Variants in NCOA3 observed in about 807,000 individuals in gnomAD.
NCOA3 encodes CBP-interacting protein.
In NCOA3, 51 loss-of-function variants were observed where a neutral mutation model predicts 158.8. The observed-to-expected ratio is 0.32, with a 90% CI of 0.26 to 0.41. NCOA3 has a LOEUF of 0.41. Ranked by LOEUF, NCOA3 falls within the 10% of genes least tolerant of loss-of-function variation. The pLI, the probability that NCOA3 is intolerant of heterozygous loss-of-function variation, is 1.00. For synonymous variants in NCOA3, 537 were observed against 592.4 expected (o/e 0.91, Z 1.36); for missense variants, 1,510 against 1,746.6 (o/e 0.86, Z 2.41).
intron 2 of NCOA3, among the ~76,000 whole-genome samples, chr20:47,584,043 C>A (rs1036528728): frequency 6.2e-4 from 94 of 152,264 alleles, no homozygotes; most frequent in African/African-American, 2.2e-3. Flanking sequence ...AACTATGATC[C>A]TAGCACTTTG....
chr20:47,625,574 T>A, intron 5 of NCOA3, 93 bp downstream of exon 5: 2 of 883,568 alleles, frequency 2.3e-6, no homozygotes, highest in South Asian at 3.0e-5. Flanking sequence ...GGTTAGGAAA[T>A]GAGAACAAAA....
intron 1 of NCOA3, among the ~76,000 whole-genome samples, chr20:47,539,321 G>T (rs2146124696): frequency 6.6e-6 from 1 of 152,276 alleles, no homozygotes; most frequent in Non-Finnish European, 1.5e-5. Context: ...TGTAGCCTGG[G>T]TGACAACGAT....
rs71183270 is a variant in NCOA3, at chr20:47,641,490, C to CTTTTTTTTTTTT, written c.3081-706_3081-695dup. Among the ~76,000 whole-genome samples, 123 of 48,366 alleles carry CTTTTTTTTTTTT rather than the reference C, an allele frequency of 2.5e-3. 17 individuals are homozygous for CTTTTTTTTTTTT. Among genetic ancestry groups the CTTTTTTTTTTTT allele is most frequent in the African/African-American group, 5.7e-3 (48 of 8,404 alleles). The allele number at this position is 48,366 out of a possible 152,430, so 31.7% of individuals were successfully genotyped here. ...GTCAGCCACCACGCCTGGCTCCCTT[C>CTTTTTTTTTTTT]TTTTTTTTTTTTTTTTTTTTTTTTT... On this transcript the variant is annotated intron_variant, in intron 16 of 22. Coordinates refer to ENST00000371998, the MANE Select transcript of NCOA3 (RefSeq NM_181659.3).
chr20:47,641,312 A>G (rs950958946), intron 16 of NCOA3, among the ~76,000 whole-genome samples: 4 of 148,116 alleles, frequency 2.7e-5, no homozygotes, highest in African/African-American at 9.9e-5. Flanking sequence ...CGTCAGTGAT[A>G]GCTCAACATT....
At chr20:47,515,988 A>G (rs1271527099) in intron 1 of NCOA3, among the ~76,000 whole-genome samples, 2 of 152,218 alleles carry the variant, frequency 1.3e-5, no homozygotes, top group South Asian at 2.1e-4. Context: ...AGAAAAGGCA[A>G]AATTTTGGAA....
chr20:47,632,279 G>T (rs2086431604), intron 8 of NCOA3, among the ~76,000 whole-genome samples: 1 of 152,162 alleles, frequency 6.6e-6, no homozygotes, highest in Admixed American at 6.5e-5. Flanking sequence ...TTAGGGGGTG[G>T]GGATGAGGTT....
intron 2 of NCOA3, among the ~76,000 whole-genome samples, chr20:47,595,018 C>G (rs1052408170): frequency 1.3e-5 from 2 of 151,706 alleles, no homozygotes; most frequent in Non-Finnish European, 2.9e-5. Context: ...TCTCGATCCC[C>G]TGACCTCAGG....
intron 1 of NCOA3, among the ~76,000 whole-genome samples, chr20:47,508,555 C>T (rs1177961925): frequency 6.6e-6 from 1 of 152,130 alleles, no homozygotes; most frequent in Non-Finnish European, 1.5e-5. Flanking sequence ...AAAAAGGGGG[C>T]ACTTTTGGAG....
chr20:47,586,442 C>A (rs2085537335), intron 2 of NCOA3, among the ~76,000 whole-genome samples: 1 of 151,936 alleles, frequency 6.6e-6, no homozygotes, highest in Admixed American at 6.6e-5. Context: ...ATGCTTCTTT[C>A]CCCTAATACT....
rs2086572117 is a variant in NCOA3, at chr20:47,639,657, A to ATGG, written c.2789_2791dup (p.Met930_Glu931insVal). The ATGG allele has an allele frequency of 1.2e-6, 2 of 1,614,048 alleles. No homozygotes were observed. Among genetic ancestry groups the ATGG allele is most frequent in the Non-Finnish European group, 1.7e-6 (2 of 1,179,932 alleles). On this transcript the variant is annotated inframe_insertion, in exon 15 of 23. Transcript: ENST00000371998. ...CTTACCAAACTCAAAGGCCGGCAGA[A>ATGG]TGGAACCTATGAATTCAAACTCCAT...
chr20:47,610,571 T>A (rs1431469921), intron 2 of NCOA3, among the ~76,000 whole-genome samples: 1 of 152,188 alleles, frequency 6.6e-6, no homozygotes, highest in Non-Finnish European at 1.5e-5. Context: ...ATTTAATGAT[T>A]ACTGAAGAGT....
Position 47,656,605 on chromosome 20 carries a change from C to G in NCOA3, c.*3188C>G, listed in dbSNP as rs1334499270. Reference sequence around the variant, plus strand: ...CCAAGGCACACTGTTAATAAACGAGCAGGGTGTTTTCTCTCTTCCTTTCTA... The same window carrying G: ...CCAAGGCACACTGTTAATAAACGAGGAGGGTGTTTTCTCTCTTCCTTTCTA... On this transcript the variant is annotated 3_prime_UTR_variant, in exon 23 of 23. Coordinates refer to ENST00000371998, the MANE Select transcript of NCOA3 (RefSeq NM_181659.3). The G allele has an allele frequency of 6.6e-6, 1 of 152,554 alleles. No homozygotes were observed. The highest frequency in any genetic ancestry group is 1.5e-5 in the Non-Finnish European group (1 of 68,028). 9.5% of individuals were successfully genotyped at this position (152,554 alleles called of 1,614,324 possible).
intron 1 of NCOA3, among the ~76,000 whole-genome samples, chr20:47,525,120 G>A (rs2084406637): frequency 6.8e-6 from 1 of 146,668 alleles, no homozygotes; most frequent in Admixed American, 6.8e-5. Context: ...TTGAGATTAG[G>A]GAGTGGTGAT....
At chr20:47,588,067 C>A (rs1415142209) in intron 2 of NCOA3, among the ~76,000 whole-genome samples, 1 of 151,640 alleles carries the variant, frequency 6.6e-6, no homozygotes, top group Admixed American at 6.6e-5. Flanking sequence ...TTACCCAAGA[C>A]CGAGAGTAAA....
chr20:47,558,756 T>C (rs2085052400), intron 1 of NCOA3, among the ~76,000 whole-genome samples: 1 of 151,972 alleles, frequency 6.6e-6, no homozygotes, highest in African/African-American at 2.4e-5. Context: ...GTGTGTGTTG[T>C]CTTTTAGCTC....
chr20:47,556,198 G>A (rs2085004612), intron 1 of NCOA3, among the ~76,000 whole-genome samples: 1 of 152,198 alleles, frequency 6.6e-6, no homozygotes, highest in Admixed American at 6.5e-5. Context: ...GCCTCCCAAA[G>A]TGCTGGGATT....
intron 2 of NCOA3, among the ~76,000 whole-genome samples, chr20:47,594,220 C>T (rs1226835932): frequency 6.6e-6 from 1 of 152,090 alleles, no homozygotes; most frequent in African/African-American, 2.4e-5. Flanking sequence ...TCATAATGAC[C>T]AGTTCACTTG....
At chr20:47,620,938 C>T (rs556868393) in intron 2 of NCOA3, among the ~76,000 whole-genome samples, 2 of 152,138 alleles carry the variant, frequency 1.3e-5, no homozygotes, top group African/African-American at 4.8e-5. Context: ...TCTTTTGTGA[C>T]ATTGACACGT....
rs749854885 is a variant in NCOA3 at position 47,635,875 on chromosome 20, T to G, written c.1505-16T>G. The G allele has an allele frequency of 6.4e-7, 1 of 1,573,890 alleles. No individual in the cohort carries two copies. The highest frequency in any genetic ancestry group is 2.0e-5 in the Admixed American group (1 of 50,402). ...TGGTAGTCTAATTCTTTTCCTAAATTTTTTTTCAAATTCAGGTGTGCACTC... is the reference window on the plus strand; with the variant it reads ...TGGTAGTCTAATTCTTTTCCTAAATGTTTTTTCAAATTCAGGTGTGCACTC... On this transcript the variant is annotated splice_polypyrimidine_tract_variant and intron_variant, in intron 11 of 22. Transcript: ENST00000371998.
Sources: gnomAD v4.1 joint callset for allele counts (sites outside exome capture counted in the v4.1 genomes callset) on GRCh38, gnomAD v4.1.1 for gene constraint, MANE v1.5 for transcripts, NCBI Gene and HGNC (gene_info 2026-07-23, HGNC 2026-07-21) for gene names.